Variants in SDK1 observed in about 807,000 individuals in gnomAD.
SDK1 encodes sidekick cell adhesion molecule 1, also known as protein sidekick-1.
A neutral mutation model predicts 245.5 loss-of-function variants in SDK1; 157 were observed. That is an observed-to-expected ratio of 0.64 (90% CI 0.56 to 0.73). SDK1 has a LOEUF of 0.73. SDK1 is among the 30% of genes least tolerant of loss of function. The pLI, the probability that SDK1 is intolerant of heterozygous loss-of-function variation, is 0.00. For missense variants in SDK1, 3,583 were observed against 3,002.3 expected, an observed-to-expected ratio of 1.19 and a Z score of -4.52; for synonymous variants, 1,647 against 1,278.5, an observed-to-expected ratio of 1.29 and a Z score of -6.15.
At chr7:3,504,209 T>TGTGTGTGTGTGTGTGTGTGTGTGC (rs1782314650) in intron 1 of SDK1, among the ~76,000 whole-genome samples, 1 of 151,374 alleles carries the variant, frequency 6.6e-6, no homozygotes, top group Non-Finnish European at 1.5e-5. Context: ...TGTGTGTGTG[T>TGTGTGTGTGTGTGTGTGTGTGTGC]GTGTAGATAA....
chr7:3,875,645 A>G (rs144724697), intron 5 of SDK1, among the ~76,000 whole-genome samples: 55 of 152,300 alleles, frequency 3.6e-4, no homozygotes, highest in Middle Eastern at 3.4e-3. Context: ...TTGTAGATGT[A>G]GAGACTCGGG....
At chr7:4,134,639 CCAG>C (rs1403970634) in intron 28 of SDK1, 9 of 152,480 alleles carry the variant, frequency 5.9e-5, no homozygotes, top group African/African-American at 1.2e-4. Flanking sequence ...CAGGCTCGCC[CCAG>C]CCCCACCTCC....
At position 4,225,857 on chromosome 7, in the gene SDK1, C is replaced by T. The variant is rs138622226; in HGVS notation, c.5827+4493C>T. Among the ~76,000 whole-genome samples the T allele has an allele frequency of 3.3e-3, 495 of 152,176 alleles. 1 individual carries two copies. The highest frequency in any genetic ancestry group is 0.011 in the African/African-American group (473 of 41,512). ...TTTTCGGCGAGGGCTGAAGATCCTG[C>T]ACTTAATTCTGCTTGGCTGCTCAAC... On this transcript the variant is annotated intron_variant, in intron 40 of 44. Transcript: ENST00000404826.
chr7:4,102,504 C>T (rs1168442084), intron 22 of SDK1, among the ~76,000 whole-genome samples: 1 of 152,164 alleles, frequency 6.6e-6, no homozygotes, highest in Non-Finnish European at 1.5e-5. Flanking sequence ...TCCTCACGTC[C>T]CTCCTCCCTT....
At chr7:3,801,878 C>T (rs1321894180) in intron 4 of SDK1, among the ~76,000 whole-genome samples, 2 of 152,190 alleles carry the variant, frequency 1.3e-5, no homozygotes, top group South Asian at 2.1e-4. Context: ...ATTTGTGTCT[C>T]CCTGAAAACT....
intron 4 of SDK1, among the ~76,000 whole-genome samples, chr7:3,817,755 G>T (rs1050881731): frequency 6.6e-6 from 1 of 152,190 alleles, no homozygotes; most frequent in African/African-American, 2.4e-5. Flanking sequence ...GACCCAGCTA[G>T]CTACTCTCTT....
At chr7:3,730,694 T>C (rs575377214) in intron 4 of SDK1, among the ~76,000 whole-genome samples, 1 of 152,228 alleles carries the variant, frequency 6.6e-6, no homozygotes, top group Non-Finnish European at 1.5e-5. Context: ...ACACACAATA[T>C]TAACGTTCAT....
At chr7:3,388,647 G>A (rs532235791) in intron 1 of SDK1, among the ~76,000 whole-genome samples, 2 of 152,124 alleles carry the variant, frequency 1.3e-5, no homozygotes, top group African/African-American at 4.8e-5. Flanking sequence ...CGTATAAGCT[G>A]TTTCGTGCAT....
At chr7:3,518,650 G>A (rs1037266514) in intron 1 of SDK1, among the ~76,000 whole-genome samples, 1 of 152,028 alleles carries the variant, frequency 6.6e-6, no homozygotes, top group African/African-American at 2.4e-5. Context: ...ATCCCAGATA[G>A]GATGGCCATT....
At chr7:3,445,090 A>G (rs999687103) in intron 1 of SDK1, among the ~76,000 whole-genome samples, 8 of 152,188 alleles carry the variant, frequency 5.3e-5, no homozygotes, top group Admixed American at 1.3e-4. Context: ...AAATCATATT[A>G]TTGTATCTTA....
intron 4 of SDK1, among the ~76,000 whole-genome samples, chr7:3,653,030 C>A (rs1229833376): frequency 6.6e-6 from 1 of 152,208 alleles, no homozygotes; most frequent in East Asian, 1.9e-4. Context: ...CTATTCCATT[C>A]AGTGCCAAAC....
chr7:3,562,282 G>C (rs1390359991), intron 1 of SDK1, among the ~76,000 whole-genome samples: 1 of 152,148 alleles, frequency 6.6e-6, no homozygotes, highest in Admixed American at 6.5e-5. Context: ...CTACCTTTAA[G>C]ATAACATTTT....
chr7:3,642,569 C>G lies in SDK1; in HGVS notation c.713+464C>G, dbSNP rs946520079. ...GTAATTACTGCTTATTTCTCTTTATCCTTTTATCCTACCATGACAGTTTTA... is the reference window on the plus strand; with the variant it reads ...GTAATTACTGCTTATTTCTCTTTATGCTTTTATCCTACCATGACAGTTTTA... On this transcript the variant is annotated intron_variant, in intron 4 of 44. Coordinates refer to ENST00000404826, the MANE Select transcript of SDK1 (RefSeq NM_152744.4). 2.8e-4 allele frequency among the ~76,000 whole-genome samples: 43 copies of G among 152,250 alleles called. 1 individual carries two copies. The highest frequency in any genetic ancestry group is 2.4e-3 in the Admixed American group (36 of 15,300).
intron 4 of SDK1, among the ~76,000 whole-genome samples, chr7:3,763,623 ATATT>A (rs1275842100): frequency 6.6e-6 from 1 of 152,214 alleles, no homozygotes; most frequent in Non-Finnish European, 1.5e-5. Context: ...AAATGGATAA[ATATT>A]AAACATAAAA....
At chr7:3,667,257 AAC>A (rs1783562285) in intron 4 of SDK1, among the ~76,000 whole-genome samples, 2 of 152,350 alleles carry the variant, frequency 1.3e-5, no homozygotes, top group South Asian at 4.1e-4. Flanking sequence ...TATTATAAAA[AAC>A]ACACATTTGT....
intron 35 of SDK1, among the ~76,000 whole-genome samples, chr7:4,187,959 G>A (rs1454265735): frequency 6.9e-6 from 1 of 144,478 alleles, no homozygotes; most frequent in Non-Finnish European, 1.6e-5. Context: ...GCTGGGGAAG[G>A]TGAAAGGCAC....
intron 1 of SDK1, among the ~76,000 whole-genome samples, chr7:3,381,391 C>T (rs1034463204): frequency 4.6e-5 from 7 of 151,984 alleles, no homozygotes; most frequent in Admixed American, 4.6e-4. Context: ...AAAGAGCACC[C>T]GCACTGGTGA....
intron 25 of SDK1, among the ~76,000 whole-genome samples, chr7:4,119,709 C>T (rs894230287): frequency 1.3e-5 from 2 of 149,040 alleles, no homozygotes; most frequent in Admixed American, 6.7e-5. Flanking sequence ...AAAAATGATT[C>T]CTCTCTGGAG....
chr7:3,686,068 C>CA (rs1315176637), intron 4 of SDK1, among the ~76,000 whole-genome samples: 1 of 97,834 alleles, frequency 1.0e-5, no homozygotes, highest in Non-Finnish European at 3.2e-5. Flanking sequence ...ACATATGAGG[C>CA]AAACTTTTTT....
Sources: allele counts gnomAD v4.1 joint callset (sites outside exome capture counted in the v4.1 genomes callset), GRCh38; gene constraint gnomAD v4.1.1; transcripts MANE v1.5; gene names NCBI Gene and HGNC (gene_info 2026-07-23, HGNC 2026-07-21).